Variants in PRDM10 observed in about 807,000 individuals in gnomAD.
PRDM10 encodes PR/SET domain 10, also known as PR domain zinc finger protein 10.
Under a neutral mutation model 133.1 loss-of-function variants are expected in PRDM10, and 65 were observed. That is an observed-to-expected ratio of 0.49 (90% CI 0.40 to 0.60). The LOEUF is 0.60. Among genes scored for constraint, PRDM10 ranks in the 20% least tolerant of loss-of-function variants. The pLI, the probability that PRDM10 is intolerant of heterozygous loss-of-function variation, is 0.00. For missense variants in PRDM10, 1,137 were observed against 1,507.1 expected (o/e 0.75, Z 4.07); for synonymous variants, 582 against 580.4 (o/e 1.00, Z -0.04).
chr11:129,986,377 G>A (rs1172303771), intron 1 of PRDM10, among the ~76,000 whole-genome samples: 1 of 152,108 alleles, frequency 6.6e-6, no homozygotes, highest in Non-Finnish European at 1.5e-5. Context: ...ACGCTGTTGT[G>A]TGAATTTCGT....
intron 17 of PRDM10, among the ~76,000 whole-genome samples, chr11:129,913,162 G>A (rs1950243371): frequency 6.9e-6 from 1 of 145,708 alleles, no homozygotes; most frequent in Admixed American, 7.0e-5. Context: ...AGGTTGCAGT[G>A]AGCCATGATT....
chr11:129,944,569 AGC>A (rs1304526526), intron 6 of PRDM10, among the ~76,000 whole-genome samples, 200 bp downstream of exon 6: 2 of 149,342 alleles, frequency 1.3e-5, no homozygotes, highest in East Asian at 2.0e-4. Context: ...TGGGCGACAG[AGC>A]AAGACTCCGT....
At chr11:129,952,319 G>A (rs1951601456) in intron 4 of PRDM10, among the ~76,000 whole-genome samples, 2 of 152,174 alleles carry the variant, frequency 1.3e-5, no homozygotes, top group African/African-American at 4.8e-5. Context: ...CAAATACTCA[G>A]TGTGGCAAGA....
intron 1 of PRDM10, among the ~76,000 whole-genome samples, chr11:129,962,992 T>C (rs1282097605): frequency 3.3e-5 from 5 of 151,688 alleles, no homozygotes; most frequent in Admixed American, 3.3e-4. Context: ...CTACAAAAAA[T>C]ACAAAAATTA....
intron 4 of PRDM10, 53 bp downstream of exon 4, chr11:129,955,459 G>A (rs373232447): frequency 6.4e-6 from 10 of 1,553,644 alleles, no homozygotes; most frequent in African/African-American, 1.4e-5. Flanking sequence ...GGCATTCCAG[G>A]CGCAGTGGCA....
chr11:129,962,280 C>G (rs1254559919), intron 1 of PRDM10, among the ~76,000 whole-genome samples: 2 of 152,126 alleles, frequency 1.3e-5, no homozygotes, highest in Non-Finnish European at 2.9e-5. Context: ...GCTGTGTGAA[C>G]AGGGCAGCAG....
chr11:129,981,495 T>C (rs1259001153), intron 1 of PRDM10, among the ~76,000 whole-genome samples: 1 of 152,152 alleles, frequency 6.6e-6, no homozygotes, highest in African/African-American at 2.4e-5. Flanking sequence ...AATATAGAAA[T>C]ATACTTTAAC....
At chr11:129,994,362 G>A (rs776709808) in intron 1 of PRDM10, among the ~76,000 whole-genome samples, 4 of 151,844 alleles carry the variant, frequency 2.6e-5, no homozygotes, top group Non-Finnish European at 4.4e-5. Flanking sequence ...CTACTCAGGA[G>A]GCTGGGGCAG....
rs1257801467 is a variant in PRDM10 at position 129,918,664 on chromosome 11, C to T, written c.2089G>A (p.Ala697Thr). ...CGGCTGATGCGGTCGGCTTTCTTGG[C>T]CTCCCTCTCAGGATTATGCATCCTC... ...MQRMHNPERE[A>T]KKADRISRSK... Residue 697 changes from alanine (A) to threonine (T), a missense_variant, in exon 14 of 21, where the codon GCC (alanine) becomes ACC (threonine). Coordinates refer to ENST00000360871, the MANE Select transcript of PRDM10 (RefSeq NM_199437.2). This position sits in a 1 kb window ranked among gnomAD's most constrained non-coding sequence, Gnocchi z 5.3. The T allele has an allele frequency of 6.2e-7, 1 of 1,614,148 alleles. No homozygotes were observed. The highest frequency in any genetic ancestry group is 1.7e-5 in the Admixed American group (1 of 60,016).
At position 129,947,814 on chromosome 11, in the gene PRDM10, G is replaced by C. The variant is rs1357579163; in HGVS notation, c.295-444C>G. ...CAAGACTTCAAATAGGTAAGCAACA[G>C]ACCGTTTCGATGTGTGCACATGTGA... On this transcript the variant is annotated intron_variant, in intron 4 of 20. Coordinates refer to ENST00000360871, the MANE Select transcript of PRDM10 (RefSeq NM_199437.2). This position sits in a 1 kb window ranked among gnomAD's most constrained non-coding sequence, Gnocchi z 4.6. Among the ~76,000 whole-genome samples the C allele has an allele frequency of 6.6e-6, 1 of 152,166 alleles. No individual in the cohort carries two copies. The highest frequency in any genetic ancestry group is 6.5e-5 in the Admixed American group (1 of 15,278).
intron 2 of PRDM10, 125 bp downstream of exon 2, chr11:129,960,771 C>T (rs111244483): frequency 1.5e-5 from 14 of 931,540 alleles, no homozygotes; most frequent in African/African-American, 5.0e-5. Context: ...TCCTTGTGTA[C>T]GAGTTCTTCA....
intron 1 of PRDM10, among the ~76,000 whole-genome samples, chr11:129,985,102 A>C (rs1370021567): frequency 6.6e-6 from 1 of 152,202 alleles, no homozygotes; most frequent in African/African-American, 2.4e-5. Flanking sequence ...CAGCACCTGC[A>C]ACCATGACCG....
chr11:129,973,641 A>T (rs989326416), intron 1 of PRDM10, among the ~76,000 whole-genome samples: 4 of 152,232 alleles, frequency 2.6e-5, no homozygotes. Flanking sequence ...TCGGTGATTT[A>T]AAAAAGCAAG....
chr11:129,960,469 T>G (rs150752938), intron 2 of PRDM10, among the ~76,000 whole-genome samples: 1 of 152,260 alleles, frequency 6.6e-6, no homozygotes, highest in East Asian at 1.9e-4. Flanking sequence ...TGGAACAACT[T>G]TGACTTAGAG....
chr11:129,965,879 C>A (rs1337531718), intron 1 of PRDM10, among the ~76,000 whole-genome samples: 1 of 152,066 alleles, frequency 6.6e-6, no homozygotes, highest in Non-Finnish European at 1.5e-5. Context: ...TCTGAGCTCC[C>A]AAATCTTCCA....
intron 1 of PRDM10, among the ~76,000 whole-genome samples, chr11:129,962,302 G>C (rs1196348257): frequency 2.0e-5 from 3 of 152,166 alleles, no homozygotes; most frequent in Non-Finnish European, 4.4e-5. Context: ...CACAATGCCA[G>C]AATAAAGACC....
intron 4 of PRDM10, among the ~76,000 whole-genome samples, chr11:129,951,384 C>T (rs1394578832): frequency 1.3e-5 from 2 of 152,126 alleles, no homozygotes; most frequent in Non-Finnish European, 2.9e-5. Flanking sequence ...GCTTTGAATA[C>T]CTGGGCAACA....
rs1011615020 is a variant in PRDM10, at chr11:129,955,669, G to C, written c.235-98C>G. On this transcript the variant is annotated intron_variant, in intron 3 of 20. Coordinates refer to ENST00000360871, the MANE Select transcript of PRDM10 (RefSeq NM_199437.2). ...CTGCTAAGCACCAATTTTTAGAAAA[G>C]TTAACTCCCATTTTAGCCAGTAATA... 7.5e-5 allele frequency: 78 copies of C among 1,033,472 alleles called. No homozygotes were observed. In the East Asian group the frequency reaches 1.9e-3, roughly 25 times the overall value. 64.0% of individuals were successfully genotyped at this position (1,033,472 alleles called of 1,614,324 possible). A position where few individuals can be genotyped will look rare whatever the true frequency, so the allele number is the denominator to read the frequency against.
rs756607508 is a variant in PRDM10 at position 129,942,566 on chromosome 11, A to C, written c.826T>G (p.Ser276Ala). 5.6e-6 allele frequency: 9 copies of C among 1,614,012 alleles called. No individual in the cohort carries two copies. The highest frequency in any genetic ancestry group is 7.6e-6 in the Non-Finnish European group (9 of 1,180,038). ...ATCCAGTTACAAAGCGTCTCATCAG[A>C]CAACTCAAACCATAGGTCTTCATGT... The part of the protein sequence containing the change: ...DLHEDLWFEL[S>A]DETLCNWMMF... Residue 276 changes from serine to alanine, a missense_variant, in exon 7 of 21, where the codon TCT (serine) becomes GCT (alanine). By Grantham distance (99) the Ser-to-Ala change is moderately conservative. Coordinates refer to ENST00000360871, the MANE Select transcript of PRDM10 (RefSeq NM_199437.2).
Sources: gnomAD v4.1 joint callset for allele counts (sites outside exome capture counted in the v4.1 genomes callset) on GRCh38, gnomAD v4.1.1 for gene constraint, Gnocchi (gnomAD v3.1) non-coding constraint, MANE v1.5 for transcripts, NCBI Gene and HGNC (gene_info 2026-07-23, HGNC 2026-07-21) for gene names.